EPHA3: variants seen among roughly 807,000 people sequenced by gnomAD.
EPHA3 encodes EPH receptor A3, also known as ephrin type-A receptor 3.
EPHA3 carries 42 observed loss-of-function variants against 107.1 expected under a neutral mutation model. That is an observed-to-expected ratio of 0.39 (90% CI 0.31 to 0.51). EPHA3 has a LOEUF of 0.51. Ranked by LOEUF, EPHA3 falls within the 20% of genes least tolerant of loss-of-function variation. The pLI is 0.78. For missense variants in EPHA3, 1,183 were observed against 1,211.2 expected, an observed-to-expected ratio of 0.98 and a Z score of 0.35; for synonymous variants, 461 against 424.8, an observed-to-expected ratio of 1.09 and a Z score of -1.05.
chr3:89,147,968 G>A (rs1022350993), intron 2 of EPHA3, among the ~76,000 whole-genome samples: 5 of 151,862 alleles, frequency 3.3e-5, no homozygotes, highest in Non-Finnish European at 4.4e-5. Flanking sequence ...ATAATGGATC[G>A]TGCATTAGGC....
chr3:89,453,176 CATTTATTTTGATCTTTACA>C (rs1710027999), intron 15 of EPHA3, among the ~76,000 whole-genome samples: 1 of 151,840 alleles, frequency 6.6e-6, no homozygotes, highest in Admixed American at 6.6e-5. Context: ...ACCCTGAAGG[CATTTATTTTGATCTTTACA>C]GCATAGATAG....
intron 1 of EPHA3, among the ~76,000 whole-genome samples, chr3:89,113,485 CAAAAA>C (rs753848304): frequency 1.6e-3 from 51 of 31,098 alleles, no homozygotes; most frequent in Admixed American, 2.5e-3. Flanking sequence ...TTCCTTTGTA[CAAAAA>C]AAAAAAAAAA....
chr3:89,358,625 A>G (rs928923490), intron 5 of EPHA3, among the ~76,000 whole-genome samples: 5 of 151,266 alleles, frequency 3.3e-5, no homozygotes, highest in Non-Finnish European at 5.9e-5. Flanking sequence ...AGAGAATTCA[A>G]AAAGCATCAA....
chr3:89,337,989 T>C (rs1325673114), intron 3 of EPHA3, among the ~76,000 whole-genome samples: 1 of 152,252 alleles, frequency 6.6e-6, no homozygotes, highest in Non-Finnish European at 1.5e-5. Context: ...CCAGCCATAA[T>C]GTCCATAATC....
chr3:89,419,349 A>G lies in EPHA3; in HGVS notation c.2033A>G (p.Asp678Gly). The change falls in exon 11 of 17, where the codon GAC (aspartate) becomes GGC (glycine). Residue 678 changes from aspartate (D) to glycine (G), a missense_variant. By Grantham distance (94) the Asp-to-Gly change is moderately conservative. Coordinates refer to ENST00000336596, the MANE Select transcript of EPHA3 (RefSeq NM_005233.6). ...LGEASIMGQF[D>G]HPNIIRLEGV... ...GAAGCAAGCATTATGGGACAGTTTG[A>G]CCACCCCAATATCATTCGACTGGAA... is the stretch of plus-strand genomic sequence containing the variant. 6.2e-7 allele frequency: 1 copy of G among 1,609,424 alleles called. No individual in the cohort carries two copies. Among genetic ancestry groups the G allele is most frequent in the South Asian group, 1.1e-5 (1 of 90,840 alleles).
chr3:89,299,233 T>C (rs980038465), intron 3 of EPHA3, among the ~76,000 whole-genome samples: 4 of 152,012 alleles, frequency 2.6e-5, no homozygotes, highest in South Asian at 2.1e-4. Context: ...AAGCAAATAC[T>C]AGACAGACTA....
intron 2 of EPHA3, among the ~76,000 whole-genome samples, chr3:89,193,795 C>T (rs1212183016): frequency 6.6e-6 from 1 of 151,850 alleles, no homozygotes. Context: ...TGAGTACACA[C>T]TATTTAGCTT....
At chr3:89,193,006 A>G (rs1440031525) in intron 2 of EPHA3, among the ~76,000 whole-genome samples, 1 of 152,134 alleles carries the variant, frequency 6.6e-6, no homozygotes, top group Non-Finnish European at 1.5e-5. Context: ...ATAAACTTTG[A>G]ATGAGTTTGT....
intron 2 of EPHA3, among the ~76,000 whole-genome samples, chr3:89,203,649 C>A (rs974450223): frequency 2.3e-4 from 35 of 151,780 alleles, no homozygotes; most frequent in African/African-American, 8.0e-4. Flanking sequence ...CAGTGGCGGG[C>A]GCCTGCAGTC....
chr3:89,197,879 G>A (rs1189256832), intron 2 of EPHA3, among the ~76,000 whole-genome samples: 1 of 152,084 alleles, frequency 6.6e-6, no homozygotes, highest in East Asian at 1.9e-4. Context: ...GGGAGGCTGA[G>A]GGGGGAGAAT....
chr3:89,339,329 C>T (rs1332241231), intron 3 of EPHA3, among the ~76,000 whole-genome samples: 4 of 145,812 alleles, frequency 2.7e-5, no homozygotes, highest in Non-Finnish European at 6.0e-5. Context: ...CGAGATTGTG[C>T]CACTGCACTC....
intron 2 of EPHA3, among the ~76,000 whole-genome samples, chr3:89,202,331 C>T (rs986903845): frequency 5.3e-5 from 8 of 151,372 alleles, no homozygotes; most frequent in African/African-American, 1.9e-4. Flanking sequence ...ACCGTCTCTA[C>T]TGAAAATAAA....
chr3:89,474,753 G>T (rs750510422), intron 16 of EPHA3, among the ~76,000 whole-genome samples: 18 of 152,212 alleles, frequency 1.2e-4, no homozygotes, highest in Non-Finnish European at 8.8e-5. Flanking sequence ...TTAAAAAAGT[G>T]AATGACAGCA....
chr3:89,407,933 GT>G, intron 8 of EPHA3, 133 bp from the exon 9 acceptor site: 1 of 883,354 alleles, frequency 1.1e-6, no homozygotes, highest in Non-Finnish European at 1.7e-6. Flanking sequence ...AAAATATGAA[GT>G]TATTAAACTT....
intron 3 of EPHA3, among the ~76,000 whole-genome samples, chr3:89,224,364 A>T (rs1704450619): frequency 6.6e-6 from 1 of 152,236 alleles, no homozygotes; most frequent in African/African-American, 2.4e-5. Flanking sequence ...CAATAAAATG[A>T]TAAAAGAAAT....
intron 2 of EPHA3, among the ~76,000 whole-genome samples, chr3:89,171,256 T>A (rs1393919467): frequency 2.0e-5 from 3 of 152,212 alleles, no homozygotes; most frequent in Non-Finnish European, 4.4e-5. Context: ...ATATTTTATT[T>A]TTCAAATGCC....
rs182032149 is a variant in EPHA3, at chr3:89,480,498, C to A, written c.*996C>A. 606 of 233,312 alleles carry A rather than the reference C, an allele frequency of 2.6e-3. No homozygotes were observed. The highest frequency in any genetic ancestry group is 3.6e-3 in the Non-Finnish European group (421 of 117,838). 14.5% of individuals were successfully genotyped at this position (233,312 alleles called of 1,614,324 possible). A position where few individuals can be genotyped will look rare whatever the true frequency, so the allele number is the denominator to read the frequency against. On this transcript the variant is annotated 3_prime_UTR_variant, in exon 17 of 17. Coordinates refer to ENST00000336596, the MANE Select transcript of EPHA3 (RefSeq NM_005233.6). ...TGCTCTGGTGCTTAGAGACTATCAA[C>A]TCCCTCCTTTAGTGAAGGAGCCGTG...
At chr3:89,342,241 A>G in intron 5 of EPHA3, 151 bp downstream of exon 5, 2 of 620,462 alleles carry the variant, frequency 3.2e-6, no homozygotes, top group Non-Finnish European at 5.4e-6. Context: ...ATGGCACATT[A>G]AATAATTTAA....
intron 3 of EPHA3, among the ~76,000 whole-genome samples, chr3:89,278,954 T>G (rs1267970005): frequency 2.0e-5 from 3 of 152,194 alleles, no homozygotes; most frequent in South Asian, 2.1e-4. Context: ...GATTCTCAAG[T>G]ATGCATTCAA....
Sources: gnomAD v4.1 joint callset for allele counts (sites outside exome capture counted in the v4.1 genomes callset) on GRCh38, gnomAD v4.1.1 for gene constraint, MANE v1.5 for transcripts, NCBI Gene and HGNC (gene_info 2026-07-23, HGNC 2026-07-21) for gene names.